Variants in ATP9B observed in about 807,000 individuals in gnomAD.
ATP9B encodes probable phospholipid-transporting ATPase IIB.
ATP9B carries 110 observed loss-of-function variants against 146.1 expected under a neutral mutation model. The observed-to-expected ratio is 0.75, with a 90% confidence interval of 0.65 to 0.88. The LOEUF (loss-of-function observed/expected upper bound fraction) is 0.88. ATP9B is among the 40% of genes least tolerant of loss of function. The pLI, the probability that ATP9B is intolerant of heterozygous loss-of-function variation, is 0.00. For synonymous variants in ATP9B, 604 were observed against 569.7 expected (o/e 1.06, Z -0.86); for missense variants, 1,499 against 1,496.4 (o/e 1.00, Z -0.03).
chr18:79,225,016 C>T (rs2095715252), intron 11 of ATP9B, among the ~76,000 whole-genome samples: 1 of 151,940 alleles, frequency 6.6e-6, no homozygotes, highest in African/African-American at 2.4e-5. Context: ...CCAGTAGGGA[C>T]TGTGTTATCC....
At chr18:79,225,371 C>A (rs1240051943) in intron 11 of ATP9B, among the ~76,000 whole-genome samples, 1 of 152,184 alleles carries the variant, frequency 6.6e-6, no homozygotes, top group East Asian at 1.9e-4. Context: ...TTACCTGTTG[C>A]AAAACTTTAA....
intron 6 of ATP9B, chr18:79,145,339 T>C (rs560540335): frequency 1.4e-4 from 18 of 126,920 alleles, no homozygotes; most frequent in Middle Eastern, 4.1e-3. Flanking sequence ...GCAGAGTGAC[T>C]GAAGGTGCAG....
At chr18:79,208,207 T>C (rs376450936) in intron 10 of ATP9B, among the ~76,000 whole-genome samples, 1 of 152,206 alleles carries the variant, frequency 6.6e-6, no homozygotes, top group Non-Finnish European at 1.5e-5. Context: ...ATCGCGCCAC[T>C]GCACTCTAGC....
intron 5 of ATP9B, among the ~76,000 whole-genome samples, chr18:79,139,331 A>G (rs918129030): frequency 1.1e-4 from 17 of 152,216 alleles, no homozygotes; most frequent in African/African-American, 3.4e-4. Context: ...TGTTCAGTAC[A>G]TAATCGAGTG....
intron 28 of ATP9B, among the ~76,000 whole-genome samples, chr18:79,374,982 G>A (rs1257328673): frequency 1.3e-5 from 2 of 152,176 alleles, no homozygotes; most frequent in Non-Finnish European, 2.9e-5. Context: ...AACTGGAGAC[G>A]GTATCACTTC....
intron 13 of ATP9B, among the ~76,000 whole-genome samples, chr18:79,288,008 A>T (rs1309498320): frequency 6.6e-6 from 1 of 151,748 alleles, no homozygotes; most frequent in Non-Finnish European, 1.5e-5. Context: ...CTGTTCTTTT[A>T]CATTTGCTGA....
chr18:79,093,802 A>C (rs1218324876), intron 1 of ATP9B, among the ~76,000 whole-genome samples: 1 of 152,244 alleles, frequency 6.6e-6, no homozygotes, highest in Non-Finnish European at 1.5e-5. Context: ...AAAGAAAAAA[A>C]GAACTTCTGT....
chr18:79,119,154 A>G (rs1021665509), intron 4 of ATP9B, among the ~76,000 whole-genome samples: 3 of 151,756 alleles, frequency 2.0e-5, no homozygotes, highest in African/African-American at 7.3e-5. Flanking sequence ...AATTCTTCTT[A>G]ATAAAGTAAA....
chr18:79,286,693 T>C (rs1324723470), intron 13 of ATP9B, among the ~76,000 whole-genome samples: 1 of 150,140 alleles, frequency 6.7e-6, no homozygotes, highest in Non-Finnish European at 1.5e-5. Context: ...CCCTGTCTTG[T>C]GCCAGTTTTC....
At chr18:79,368,028 C>T (rs546367962) in intron 26 of ATP9B, among the ~76,000 whole-genome samples, 264 of 152,294 alleles carry the variant, frequency 1.7e-3, no homozygotes, top group Non-Finnish European at 2.9e-3. Flanking sequence ...TGCCACGGTG[C>T]GTGTCTGTGT....
chr18:79,302,436 G>A lies in ATP9B; in HGVS notation c.1412-1168G>A, dbSNP rs564940971. 8.5e-5 allele frequency among the ~76,000 whole-genome samples: 13 copies of A among 152,158 alleles called. No individual in the cohort carries two copies. The East Asian group carries it at 1.2e-3, about 14-fold the overall frequency. On this transcript the variant is annotated intron_variant, in intron 13 of 29. Transcript: ENST00000426216. ...GTGAGAGCACCACGCGTGGCAGCAC[G>A]TTGTGAAATAAGTGCACACACCCCC...
At chr18:79,231,204 T>C (rs1031586650) in intron 11 of ATP9B, among the ~76,000 whole-genome samples, 8 of 151,570 alleles carry the variant, frequency 5.3e-5, no homozygotes, top group African/African-American at 1.9e-4. Flanking sequence ...GCAGAGTAAA[T>C]AGACAACCCA....
rs1021162133 is a variant in ATP9B, at chr18:79,377,576, C to T, written c.*193C>T. On this transcript the variant is annotated 3_prime_UTR_variant, in exon 30 of 30. Coordinates refer to ENST00000426216, the MANE Select transcript of ATP9B (RefSeq NM_198531.5). ...TCTCAGTGCAGGGACGTCACCCCTG[C>T]CAGGCAAGCCCAGGGCACAGATGCC... 2.9e-6 allele frequency: 2 copies of T among 690,782 alleles called. No homozygotes were observed. Among genetic ancestry groups the T allele is most frequent in the Non-Finnish European group, 4.7e-6 (2 of 422,814 alleles). The allele number at this position is 690,782 out of a possible 1,614,324, so 42.8% of individuals were successfully genotyped here.
intron 7 of ATP9B, among the ~76,000 whole-genome samples, chr18:79,176,094 G>C (rs1381251725): frequency 6.6e-6 from 1 of 152,110 alleles, no homozygotes; most frequent in Non-Finnish European, 1.5e-5. Flanking sequence ...TCTTCTCTCT[G>C]TATTGCCGTA....
At position 79,327,538 on chromosome 18, in the gene ATP9B, C is replaced by T. The variant is rs374309151; in HGVS notation, c.1774-1603C>T. Among the ~76,000 whole-genome samples, 723 of 122,144 alleles carry T rather than the reference C, an allele frequency of 5.9e-3. 4 individuals carry two copies. Among genetic ancestry groups the T allele is most frequent in the South Asian group, 7.0e-3 (25 of 3,570 alleles). 80.1% of individuals were successfully genotyped at this position (122,144 alleles called of 152,430 possible). On this transcript the variant is annotated intron_variant, in intron 15 of 29. Transcript: ENST00000426216. ...TGGTTAGCGTGCTCTCCGTGGTTAG[C>T]GTGCTCTCCGTGGTTAGCGTGCTCT...
Position 79,349,459 on chromosome 18 carries a change from G to A in ATP9B, c.2903+1263G>A, listed in dbSNP as rs972729545. 3.3e-4 allele frequency among the ~76,000 whole-genome samples: 50 copies of A among 152,262 alleles called. 1 individual carries two copies. Among genetic ancestry groups the A allele is most frequent in the African/African-American group, 1.2e-3 (48 of 41,544 alleles). ...ACCTGAGTTGTCAGGGGCTGGCGCCGGGTGCTGCTCCTCACCGTCACGCAG... is the reference window on the plus strand; with the variant it reads ...ACCTGAGTTGTCAGGGGCTGGCGCCAGGTGCTGCTCCTCACCGTCACGCAG... On this transcript the variant is annotated intron_variant, in intron 25 of 29. Transcript: ENST00000426216.
chr18:79,346,409 C>A (rs917051231), intron 23 of ATP9B, among the ~76,000 whole-genome samples: 37 of 152,052 alleles, frequency 2.4e-4, no homozygotes, highest in Admixed American at 2.2e-3. Flanking sequence ...ATGCTTGGCA[C>A]ACACTTGGTC....
At chr18:79,223,517 T>C (rs2095700944) in intron 11 of ATP9B, among the ~76,000 whole-genome samples, 2 of 152,196 alleles carry the variant, frequency 1.3e-5, no homozygotes, top group African/African-American at 4.8e-5. Flanking sequence ...TCAACAGAGA[T>C]AGAAAGACTC....
At chr18:79,230,722 T>C (rs1287637420) in intron 11 of ATP9B, among the ~76,000 whole-genome samples, 1 of 150,694 alleles carries the variant, frequency 6.6e-6, no homozygotes, top group African/African-American at 2.4e-5. Context: ...AAAAAAAAAA[T>C]CCTAAAATTC....
Sources: gnomAD v4.1 joint callset for allele counts (sites outside exome capture counted in the v4.1 genomes callset) on GRCh38, gnomAD v4.1.1 for gene constraint, MANE v1.5 for transcripts, NCBI Gene and HGNC (gene_info 2026-07-23, HGNC 2026-07-21) for gene names.